The following FHOD3 variants were observed in gnomAD, a reference collection of about 807,000 sequenced individuals.
The protein encoded by FHOD3 is FH1/FH2 domain-containing protein 3.
FHOD3 carries 90 observed loss-of-function variants against 173.0 expected under a neutral mutation model. The observed-to-expected ratio is 0.52, with a 90% CI of 0.44 to 0.62. FHOD3 has a LOEUF of 0.62. Ranked by LOEUF, FHOD3 falls within the 20% of genes least tolerant of loss-of-function variation. The pLI is 0.00. For missense variants in FHOD3, 1,945 were observed against 2,034.7 expected, an observed-to-expected ratio of 0.96 and a Z score of 0.85; for synonymous variants, 828 against 823.0, an observed-to-expected ratio of 1.01 and a Z score of -0.10.
intron 1 of FHOD3, among the ~76,000 whole-genome samples, chr18:36,336,495 A>G (rs2045314529): frequency 6.6e-6 from 1 of 152,208 alleles, no homozygotes; most frequent in Non-Finnish European, 1.5e-5. Context: ...ACTAGAAAAT[A>G]GACTATGTTT....
intron 17 of FHOD3, 127 bp downstream of exon 17, chr18:36,693,550 G>A (rs2039087701): frequency 6.7e-6 from 6 of 896,874 alleles, no homozygotes; most frequent in African/African-American, 1.7e-5. Flanking sequence ...CTTTGTTGGG[G>A]GAGGGGGGTT....
intron 3 of FHOD3, among the ~76,000 whole-genome samples, chr18:36,488,330 G>A (rs181557832): frequency 7.9e-5 from 12 of 152,312 alleles, no homozygotes; most frequent in Admixed American, 5.9e-4. Flanking sequence ...GGCAGAGAGG[G>A]TGAACATCTT....
At chr18:36,631,988 T>C (rs1227519608) in intron 10 of FHOD3, among the ~76,000 whole-genome samples, 1 of 152,142 alleles carries the variant, frequency 6.6e-6, no homozygotes, top group African/African-American at 2.4e-5. Context: ...GTCATACATT[T>C]TGCTATGGCT....
chr18:36,475,853 C>T (rs1420841913), intron 3 of FHOD3, among the ~76,000 whole-genome samples: 1 of 151,334 alleles, frequency 6.6e-6, no homozygotes, highest in Non-Finnish European at 1.5e-5. Flanking sequence ...CATTTTTTCA[C>T]AGTGCGAATG....
At chr18:36,689,943 G>T (rs1237277527) in intron 16 of FHOD3, among the ~76,000 whole-genome samples, 2 of 152,164 alleles carry the variant, frequency 1.3e-5, no homozygotes, top group Non-Finnish European at 2.9e-5. Context: ...TTACTTTAAT[G>T]TAAGTGAGAA....
intron 3 of FHOD3, among the ~76,000 whole-genome samples, chr18:36,446,319 G>A (rs1035085362): frequency 5.3e-5 from 8 of 152,050 alleles, no homozygotes; most frequent in African/African-American, 1.9e-4. Flanking sequence ...CACCAGCAAC[G>A]TGAGGAGCCA....
chr18:36,775,387 A>C (rs1198088616), intron 28 of FHOD3, among the ~76,000 whole-genome samples: 4 of 152,234 alleles, frequency 2.6e-5, no homozygotes, highest in Non-Finnish European at 5.9e-5. Flanking sequence ...CTGTCCTGCC[A>C]AGCATCGGCA....
intron 10 of FHOD3, among the ~76,000 whole-genome samples, chr18:36,642,582 C>CAAAAAAAAA (rs35920197): frequency 4.9e-5 from 3 of 61,808 alleles, no homozygotes; most frequent in Non-Finnish European, 7.4e-5. Flanking sequence ...GACTCCGTCT[C>CAAAAAAAAA]AAAAAAAAAA....
intron 15 of FHOD3, among the ~76,000 whole-genome samples, chr18:36,684,132 T>A (rs2038440357): frequency 6.6e-6 from 1 of 152,142 alleles, no homozygotes; most frequent in Non-Finnish European, 1.5e-5. Context: ...ACCACCCAGA[T>A]CCCAGAAAAC....
chr18:36,506,548 A>G lies in FHOD3; in HGVS notation c.405+4549A>G, dbSNP rs371048760. ...GCATGTTTGTCTTCAGAGTCCATCA[A>G]TGAGCTGGAAGAAGTGGATATTGAA... On this transcript the variant is annotated intron_variant, in intron 4 of 28. Transcript: ENST00000590592. Among the ~76,000 whole-genome samples the G allele has an allele frequency of 3.9e-5, 6 of 152,362 alleles. No homozygotes were observed. In the South Asian group the frequency reaches 8.3e-4, roughly 21 times the overall value.
At chr18:36,314,458 T>C (rs1320160511) in intron 1 of FHOD3, among the ~76,000 whole-genome samples, 1 of 152,204 alleles carries the variant, frequency 6.6e-6, no homozygotes, top group Non-Finnish European at 1.5e-5. Context: ...ACAGAGGTGA[T>C]GTGAGCAGTA....
At chr18:36,687,010 A>C in intron 15 of FHOD3, 118 bp from the exon 16 acceptor site, 1 of 674,634 alleles carries the variant, frequency 1.5e-6, no homozygotes, top group Non-Finnish European at 2.5e-6. Context: ...ACCATTTTAC[A>C]TTTCTGAGGC....
At chr18:36,561,996 G>A (rs2058100514) in intron 5 of FHOD3, among the ~76,000 whole-genome samples, 1 of 151,434 alleles carries the variant, frequency 6.6e-6, no homozygotes, top group African/African-American at 2.4e-5. Context: ...GTATTGTATT[G>A]TATTGTATTG....
At chr18:36,668,138 A>C (rs995342030) in intron 14 of FHOD3, among the ~76,000 whole-genome samples, 7 of 152,090 alleles carry the variant, frequency 4.6e-5, no homozygotes, top group African/African-American at 1.4e-4. Context: ...AGGACATCTA[A>C]GACTGGAGCT....
chr18:36,624,097 T>G (rs1250805417), intron 9 of FHOD3, among the ~76,000 whole-genome samples: 1 of 152,186 alleles, frequency 6.6e-6, no homozygotes, highest in African/African-American at 2.4e-5. Context: ...CTTGGAACTG[T>G]GTTATTCCAT....
At chr18:36,602,968 T>C (rs1032165253) in intron 8 of FHOD3, among the ~76,000 whole-genome samples, 200 bp downstream of exon 8, 1 of 152,128 alleles carries the variant, frequency 6.6e-6, no homozygotes, top group Non-Finnish European at 1.5e-5. Context: ...GATGTGAACA[T>C]GCAAAGAAGA....
At chr18:36,350,032 C>T (rs1598800722) in intron 1 of FHOD3, among the ~76,000 whole-genome samples, 1 of 150,296 alleles carries the variant, frequency 6.7e-6, no homozygotes, top group East Asian at 1.9e-4. Context: ...CCTGCCTTGA[C>T]CTCCCAAAGT....
At chr18:36,537,881 A>G in intron 5 of FHOD3, among the ~76,000 whole-genome samples, 1 of 152,230 alleles carries the variant, frequency 6.6e-6, no homozygotes, top group Non-Finnish European at 1.5e-5. Flanking sequence ...TCAGTAGCAG[A>G]GTCACACATT....
intron 3 of FHOD3, among the ~76,000 whole-genome samples, chr18:36,379,275 A>G (rs1312834964): frequency 6.6e-6 from 1 of 152,222 alleles, no homozygotes; most frequent in African/African-American, 2.4e-5. Context: ...AGAGAGGGAA[A>G]ATGGACAGGA....
Sources: allele counts gnomAD v4.1 joint callset (sites outside exome capture counted in the v4.1 genomes callset), GRCh38; gene constraint gnomAD v4.1.1; transcripts MANE v1.5; gene names NCBI Gene and HGNC (gene_info 2026-07-23, HGNC 2026-07-21).